Variants in ANKRD55 observed in about 807,000 individuals in gnomAD.
The protein encoded by ANKRD55 is ankyrin repeat domain-containing protein 55.
In ANKRD55, 41 loss-of-function variants were observed where a neutral mutation model predicts 60.6. The observed-to-expected ratio is 0.68, with a 90% CI of 0.53 to 0.88. The LOEUF (loss-of-function observed/expected upper bound fraction) is 0.88, where lower values mean the gene tolerates loss of function less well. ANKRD55 is among the 40% of genes least tolerant of loss of function. ANKRD55 has a pLI of 0.00. For missense variants in ANKRD55, 732 were observed against 767.6 expected (o/e 0.95, Z 0.55); for synonymous variants, 264 against 290.3 (o/e 0.91, Z 0.92).
intron 2 of ANKRD55, among the ~76,000 whole-genome samples, chr5:56,210,517 GCGCGACTGCCTCCAGC>G (rs1759642090): frequency 7.2e-6 from 1 of 139,392 alleles, no homozygotes; most frequent in Non-Finnish European, 1.5e-5. Context: ...AGCCGAGATC[GCGCGACTGCCTCCAGC>G]CTGGGCGACA....
rs1326733313 is a variant in ANKRD55 at position 56,111,539 on chromosome 5, C to G, written c.1209G>C (p.Met403Ile). 1 of 1,613,630 alleles carries G rather than the reference C, an allele frequency of 6.2e-7. No individual in the cohort carries two copies. The highest frequency in any genetic ancestry group is 8.5e-7 in the Non-Finnish European group (1 of 1,179,928). ...CQEQPGDQVA[M>I]VEFKKKTSDN... The stretch of plus-strand genomic sequence containing the variant: ...CTGAGGTTTTCTTCTTAAATTCAAC[C>G]ATAGCCACCTGATCACCAGGCTGTT... The change falls in exon 10 of 12, where the codon ATG (methionine) becomes ATC (isoleucine). Residue 403 changes from methionine (M) to isoleucine (I), a missense_variant. By Grantham distance (10) the Met-to-Ile change is conservative (BLOSUM62 1). Around this residue, in one of 3 missense-constraint regions of ANKRD55, gnomAD observed 597 missense variants for 607.5 expected, o/e 0.98. Transcript: ENST00000341048.
At chr5:56,222,703 C>T (rs1179698966) in intron 2 of ANKRD55, among the ~76,000 whole-genome samples, 1 of 152,132 alleles carries the variant, frequency 6.6e-6, no homozygotes, top group Non-Finnish European at 1.5e-5. Context: ...CTATGTGACA[C>T]ATGCACAAGC....
chr5:56,106,878 G>T (rs1756498246), intron 10 of ANKRD55, among the ~76,000 whole-genome samples: 1 of 152,086 alleles, frequency 6.6e-6, no homozygotes, highest in Non-Finnish European at 1.5e-5. Context: ...GCCAGAGGAG[G>T]AGATGTGTCT....
chr5:56,174,575 G>A (rs1406066799), intron 4 of ANKRD55, among the ~76,000 whole-genome samples: 1 of 152,184 alleles, frequency 6.6e-6, no homozygotes, highest in African/African-American at 2.4e-5. Flanking sequence ...TGATGGGCAA[G>A]TTTTTAAAAA....
chr5:56,163,446 A>AT (rs145151017), intron 5 of ANKRD55, among the ~76,000 whole-genome samples: 4,534 of 152,208 alleles, frequency 0.03, 240 homozygotes, highest in African/African-American at 0.1. Context: ...CCCAGGAGTC[A>AT]TTCTACACCC....
At chr5:56,213,777 A>T (rs1759736880) in intron 2 of ANKRD55, among the ~76,000 whole-genome samples, 1 of 152,222 alleles carries the variant, frequency 6.6e-6, no homozygotes, top group South Asian at 2.1e-4. Context: ...GGGAAAGCAG[A>T]AGCACTGCAA....
chr5:56,111,867 C>T, intron 9 of ANKRD55, 85 bp from the exon 10 acceptor site: 1 of 1,273,274 alleles, frequency 7.9e-7, no homozygotes. Flanking sequence ...CCCTATTCCA[C>T]ATGCTTCATC....
intron 2 of ANKRD55, among the ~76,000 whole-genome samples, chr5:56,184,432 C>A (rs1758922291): frequency 1.3e-5 from 2 of 152,206 alleles, no homozygotes; most frequent in Admixed American, 6.5e-5. Flanking sequence ...ATTCTTTCAG[C>A]CCTGCGTCAT....
chr5:56,194,248 G>A (rs1475496490), intron 2 of ANKRD55, among the ~76,000 whole-genome samples: 15 of 151,312 alleles, frequency 9.9e-5, no homozygotes, highest in African/African-American at 3.2e-4. Context: ...CTGGGGAGGC[G>A]GAGCTTGCAG....
intron 2 of ANKRD55, among the ~76,000 whole-genome samples, chr5:56,216,013 T>C (rs1759796505): frequency 7.5e-6 from 1 of 132,910 alleles, no homozygotes; most frequent in South Asian, 2.1e-4. Context: ...CTGAAGAACA[T>C]AGCTCTTTGC....
intron 7 of ANKRD55, among the ~76,000 whole-genome samples, chr5:56,135,320 T>TTTCG (rs1561264070): frequency 0.022 from 328 of 15,226 alleles, 21 homozygotes; most frequent in African/African-American, 0.13. Flanking sequence ...TCTTTCTTTC[T>TTTCG]TTCTTTCTTT....
chr5:56,164,160 AT>A (rs765662253), intron 5 of ANKRD55, among the ~76,000 whole-genome samples: 50 of 152,166 alleles, frequency 3.3e-4, no homozygotes, highest in Non-Finnish European at 6.5e-4. Flanking sequence ...CCTACCTTCT[AT>A]TTTCTGGGTC....
Position 56,111,393 on chromosome 5 carries a change from C to A in ANKRD55, c.1355G>T (p.Arg452Met). The A allele has an allele frequency of 6.2e-7, 1 of 1,614,096 alleles. No individual in the cohort carries two copies. Among genetic ancestry groups the A allele is most frequent in the Middle Eastern group, 1.7e-4 (1 of 6,018 alleles). Residue 452 changes from arginine (R) to methionine (M), a missense_variant, in exon 10 of 12, where the codon AGG becomes ATG. Arg to Met is a moderately conservative substitution (Grantham distance 91). Around this residue, in one of 3 missense-constraint regions of ANKRD55, gnomAD observed 597 missense variants for 607.5 expected, o/e 0.98. Coordinates refer to ENST00000341048, the MANE Select transcript of ANKRD55 (RefSeq NM_024669.3). ...GCTCAGGCCTGCATGGGAAGTGGCCCTATGGGAGGCTGTTAGGAAGTTATT... is the reference window on the plus strand; with the variant it reads ...GCTCAGGCCTGCATGGGAAGTGGCCATATGGGAGGCTGTTAGGAAGTTATT... ...LGNNFLTASHRATSHAGLSSA... is the reference protein window; with the variant it reads ...LGNNFLTASHMATSHAGLSSA...
intron 2 of ANKRD55, among the ~76,000 whole-genome samples, chr5:56,207,991 C>T (rs983410379): frequency 1.3e-5 from 2 of 152,140 alleles, no homozygotes; most frequent in Admixed American, 1.3e-4. Flanking sequence ...TACAGTTGAA[C>T]AAAAATATTT....
chr5:56,127,383 A>G (rs942631765), intron 7 of ANKRD55: 1 of 974,198 alleles, frequency 1.0e-6, no homozygotes, highest in African/African-American at 1.8e-5. Flanking sequence ...ATTGAAATTA[A>G]ATACAGGTGC....
chr5:56,164,816 C>T (rs192646681), intron 5 of ANKRD55, among the ~76,000 whole-genome samples: 54 of 152,314 alleles, frequency 3.5e-4, no homozygotes, highest in African/African-American at 1.3e-3. Context: ...GAAGGGGAAT[C>T]ATGAGAGGAA....
intron 2 of ANKRD55, among the ~76,000 whole-genome samples, chr5:56,219,288 A>AAAAAAAAAG (rs1561297143): frequency 1.3e-5 from 2 of 150,406 alleles, no homozygotes; most frequent in African/African-American, 5.0e-5. Flanking sequence ...AAAAAAAAAA[A>AAAAAAAAAG]AAAAGAAAAA....
At chr5:56,182,990 C>T (rs951423409) in intron 3 of ANKRD55, among the ~76,000 whole-genome samples, 8 of 152,184 alleles carry the variant, frequency 5.3e-5, no homozygotes, top group African/African-American at 1.9e-4. Flanking sequence ...TCTGGGTTGC[C>T]AGCTTCTTCA....
chr5:56,220,580 C>T lies in ANKRD55; in HGVS notation c.58+12276G>A, dbSNP rs563969852. Among the ~76,000 whole-genome samples, 7 of 152,222 alleles carry T rather than the reference C, an allele frequency of 4.6e-5. No individual in the cohort carries two copies. In the South Asian group the frequency reaches 1.0e-3, roughly 23 times the overall value. ...CTGTACTTCCAGCACTTTGGGAGGC[C>T]GAGGAAGGCAGATCACCTGAGGTCA... On this transcript the variant is annotated intron_variant, in intron 2 of 11. Coordinates refer to ENST00000341048, the MANE Select transcript of ANKRD55 (RefSeq NM_024669.3).
Sources: gnomAD v4.1 joint callset for allele counts (sites outside exome capture counted in the v4.1 genomes callset) on GRCh38, gnomAD v4.1.1 for gene constraint, gnomAD v4.1.1 regional missense constraint, MANE v1.5 for transcripts, NCBI Gene and HGNC (gene_info 2026-07-23, HGNC 2026-07-21) for gene names.